Variants in IPO9 observed in about 807,000 individuals in gnomAD.
IPO9 encodes importin 9, also known as importin-9.
A neutral mutation model predicts 128.6 loss-of-function variants in IPO9; 28 were observed. The observed-to-expected ratio is 0.22, with a 90% CI of 0.16 to 0.30. The LOEUF (loss-of-function observed/expected upper bound fraction) is 0.30. Among genes scored for constraint, IPO9 ranks in the 10% least tolerant of loss-of-function variants. IPO9 has a pLI of 1.00. For missense variants in IPO9, 935 were observed against 1,293.9 expected (o/e 0.72, Z 4.26); for synonymous variants, 455 against 475.8 (o/e 0.96, Z 0.57).
At chr1:201,845,314 C>T (rs1288310564) in intron 1 of IPO9, among the ~76,000 whole-genome samples, 3 of 152,198 alleles carry the variant, frequency 2.0e-5, no homozygotes, top group African/African-American at 7.2e-5. Flanking sequence ...CCTTTCCCGG[C>T]CCTGATACCA....
Position 201,876,405 on chromosome 1 carries a change from C to G in IPO9, c.*351C>G. On this transcript the variant is annotated 3_prime_UTR_variant, in exon 24 of 24. Coordinates refer to ENST00000361565, the MANE Select transcript of IPO9 (RefSeq NM_018085.5). ...GTTTATGGATTATTTTGCCCCGCCT[C>G]AGGAGCGCAGGAAGTCACTACCATT... 2.6e-6 allele frequency: 1 copy of G among 389,946 alleles called. No homozygotes were observed. The highest frequency in any genetic ancestry group is 3.6e-5 in the Admixed American group (1 of 27,552). The allele number at this position is 389,946 out of a possible 1,614,324, so 24.2% of individuals were successfully genotyped here. A position where few individuals can be genotyped will look rare whatever the true frequency, so the allele number is the denominator to read the frequency against.
chr1:201,831,836 A>C (rs1337162084), intron 1 of IPO9, among the ~76,000 whole-genome samples: 1 of 152,182 alleles, frequency 6.6e-6, no homozygotes, highest in Non-Finnish European at 1.5e-5. Flanking sequence ...ATTCTTGCAA[A>C]CTACTTTCCA....
intron 11 of IPO9, among the ~76,000 whole-genome samples, chr1:201,857,738 T>G (rs186285285): frequency 3.9e-4 from 58 of 148,392 alleles, no homozygotes; most frequent in African/African-American, 1.4e-3. Context: ...GAGGTTGTGG[T>G]GAGCCAAGAT....
chr1:201,866,729 C>A lies in IPO9; in HGVS notation c.1629-4C>A. On this transcript the variant is annotated splice_region_variant and splice_polypyrimidine_tract_variant and intron_variant, in intron 14 of 23. Coordinates refer to ENST00000361565, the MANE Select transcript of IPO9 (RefSeq NM_018085.5). ...ATAATTCTTGCTTATCTATCTCTCT[C>A]TAGTTATTGTGACCAACTGAAAGTC... The A allele has an allele frequency of 6.2e-7, 1 of 1,607,826 alleles. No individual in the cohort carries two copies. The highest frequency in any genetic ancestry group is 1.1e-5 in the South Asian group (1 of 90,946).
intron 20 of IPO9, among the ~76,000 whole-genome samples, chr1:201,873,798 C>T (rs541482819): frequency 1.3e-5 from 2 of 152,060 alleles, no homozygotes; most frequent in Non-Finnish European, 2.9e-5. Flanking sequence ...TCCCAGCTTC[C>T]AGCTTCATTC....
intron 15 of IPO9, among the ~76,000 whole-genome samples, chr1:201,867,609 T>A (rs1201401432): frequency 2.6e-5 from 4 of 151,256 alleles, no homozygotes; most frequent in Middle Eastern, 3.4e-3. Context: ...AGGTATGTTT[T>A]AAAAAAAAAT....
intron 20 of IPO9, among the ~76,000 whole-genome samples, chr1:201,873,444 C>CA (rs571580169): frequency 0.38 from 22,275 of 57,948 alleles, 3,790 homozygotes; most frequent in East Asian, 0.43. Flanking sequence ...GACTCCGTCT[C>CA]AAAAAAAAAA....
intron 1 of IPO9, among the ~76,000 whole-genome samples, chr1:201,834,416 G>A (rs1324814621): frequency 2.6e-5 from 4 of 151,614 alleles, no homozygotes; most frequent in Admixed American, 2.0e-4. Flanking sequence ...TCTGACTTAC[G>A]GTGAGATCAT....
chr1:201,854,761 C>G (rs1405610197), intron 7 of IPO9, 47 bp downstream of exon 7: 1 of 1,608,646 alleles, frequency 6.2e-7, no homozygotes, highest in South Asian at 1.1e-5. Flanking sequence ...AGGGGCTGGT[C>G]TGAAATCATT....
At chr1:201,867,299 AG>A (rs1667048211) in intron 15 of IPO9, among the ~76,000 whole-genome samples, 1 of 152,210 alleles carries the variant, frequency 6.6e-6, no homozygotes, top group Non-Finnish European at 1.5e-5. Context: ...GAAAAGGGCT[AG>A]GACTATAATT....
At chr1:201,859,404 G>A (rs10920266) in intron 13 of IPO9, among the ~76,000 whole-genome samples, 2,075 of 151,728 alleles carry the variant, frequency 0.014, 43 homozygotes, top group African/African-American at 0.045. Flanking sequence ...TAATTCTTCC[G>A]TGATGTTTAT....
At position 201,874,434 on chromosome 1, in the gene IPO9, A is replaced by C. The variant is rs1299572718; in HGVS notation, c.2833+62A>C. On this transcript the variant is annotated intron_variant, in intron 21 of 23. Coordinates refer to ENST00000361565, the MANE Select transcript of IPO9 (RefSeq NM_018085.5). ...TGGCAGATCAAGTTACAAATTGTCA[A>C]ATTATCAACTTGGTTTGTTGAGTCA... 18 of 1,556,868 alleles carry C rather than the reference A, an allele frequency of 1.2e-5. No individual in the cohort carries two copies. In the East Asian group the frequency reaches 4.1e-4, roughly 35 times the overall value.
intron 1 of IPO9, among the ~76,000 whole-genome samples, chr1:201,832,030 T>C (rs1368054195): frequency 1.3e-5 from 2 of 151,282 alleles, no homozygotes; most frequent in African/African-American, 4.9e-5. Flanking sequence ...GCCTCCCGAG[T>C]AGCTGGGATT....
chr1:201,858,431 T>A lies in IPO9; in HGVS notation c.1222-16T>A. The A allele has an allele frequency of 7.0e-7, 1 of 1,432,136 alleles. No homozygotes were observed. Among genetic ancestry groups the A allele is most frequent in the Non-Finnish European group, 9.5e-7 (1 of 1,051,410 alleles). The allele number at this position is 1,432,136 out of a possible 1,614,324, so 88.7% of individuals were successfully genotyped here. ...AATGGGCACAAACAGATTTATTAGC[T>A]CTTCTCTCTCTATAGGCTGTGGCCA... is the stretch of plus-strand genomic sequence containing the variant. On this transcript the variant is annotated splice_polypyrimidine_tract_variant and intron_variant, in intron 11 of 23. Coordinates refer to ENST00000361565, the MANE Select transcript of IPO9 (RefSeq NM_018085.5).
In IPO9 at chr1:201,871,223, G is replaced by T. The variant is rs1190897867; in HGVS notation, c.2472G>T (p.Leu824=). ...AGCTAGAACCTCTCTTGGAGTTCCT[G>T]TGTAGCCTCCCAGGACCTACTGGCA... ...HTQLEPLLEF[L]CSLPGPTGKP... The change falls in exon 19 of 24, where the codon CTG becomes CTT. Residue 824 remains leucine, a synonymous_variant. Coordinates refer to ENST00000361565, the MANE Select transcript of IPO9 (RefSeq NM_018085.5). 3.7e-6 allele frequency: 6 copies of T among 1,614,008 alleles called. No individual in the cohort carries two copies. The highest frequency in any genetic ancestry group is 1.1e-5 in the South Asian group (1 of 91,078).
chr1:201,873,153 C>A (rs1305797084), intron 20 of IPO9, among the ~76,000 whole-genome samples, 192 bp downstream of exon 20: 1 of 152,020 alleles, frequency 6.6e-6, no homozygotes, highest in African/African-American at 2.4e-5. Flanking sequence ...GGAAAATGGA[C>A]AAAAATAGGC....
At position 201,876,772 on chromosome 1, in the gene IPO9, G is replaced by T. The variant is rs1680772629; in HGVS notation, c.*718G>T. 1 of 151,676 alleles carries T rather than the reference G, an allele frequency of 6.6e-6. No individual in the cohort carries two copies. The highest frequency in any genetic ancestry group is 1.5e-5 in the Non-Finnish European group (1 of 67,958). 9.4% of individuals were successfully genotyped at this position (151,676 alleles called of 1,614,324 possible). On this transcript the variant is annotated 3_prime_UTR_variant, in exon 24 of 24. Transcript: ENST00000361565. ...TTTTTTAGAAAAAAAAAAAAAAATG[G>T]GGAAAAGGGATTTTTTTTAAATCCA...
chr1:201,860,900 G>A (rs538379633), intron 13 of IPO9, among the ~76,000 whole-genome samples: 3 of 152,310 alleles, frequency 2.0e-5, no homozygotes, highest in African/African-American at 7.2e-5. Context: ...GGGCATGGTG[G>A]CTTATGCCTG....
chr1:201,875,698 GATGTGTTGTAATTC>G (rs551254200), intron 23 of IPO9, among the ~76,000 whole-genome samples: 26 of 152,260 alleles, frequency 1.7e-4, no homozygotes, highest in African/African-American at 6.0e-4. Flanking sequence ...CTTTGCACTT[GATGTGTTGTAATTC>G]ATCTTCTAGA....
Sources: gnomAD v4.1 joint callset for allele counts (sites outside exome capture counted in the v4.1 genomes callset) on GRCh38, gnomAD v4.1.1 for gene constraint, MANE v1.5 for transcripts, NCBI Gene and HGNC (gene_info 2026-07-23, HGNC 2026-07-21) for gene names.